The following RPA2 variants were observed in gnomAD, a reference collection of about 807,000 sequenced individuals.
RPA2 encodes the protein replication protein A 32 kDa subunit.
A neutral mutation model predicts 33.4 loss-of-function variants in RPA2; 22 were observed. That is an observed-to-expected ratio of 0.66 (90% CI 0.47 to 0.94). RPA2 has a LOEUF of 0.94. Ranked by LOEUF, RPA2 falls within the 40% of genes least tolerant of loss-of-function variation. The pLI is 0.00. For synonymous variants in RPA2, 109 were observed against 114.9 expected, an observed-to-expected ratio of 0.95 and a Z score of 0.33; for missense variants, 279 against 329.9, an observed-to-expected ratio of 0.85 and a Z score of 1.19.
At chr1:27,914,002 A>T in intron 2 of RPA2, 61 bp downstream of exon 2, 1 of 1,453,364 alleles carries the variant, frequency 6.9e-7, no homozygotes, top group Non-Finnish European at 9.2e-7. Context: ...AGTTTCTGTC[A>T]TAGATGACTC....
At chr1:27,904,940 C>A (rs1196801500) in intron 4 of RPA2, among the ~76,000 whole-genome samples, 2 of 152,072 alleles carry the variant, frequency 1.3e-5, no homozygotes, top group Non-Finnish European at 2.9e-5. Context: ...GCGTGAGTCA[C>A]CATGCCCAGC....
intron 5 of RPA2, among the ~76,000 whole-genome samples, 166 bp downstream of exon 5, chr1:27,897,467 G>C (rs541756418): frequency 1.1e-4 from 12 of 111,300 alleles, no homozygotes; most frequent in South Asian, 2.5e-4. Context: ...TTCATGTTAA[G>C]GTTAAAAAAA....
At position 27,891,937 on chromosome 1, in the gene RPA2, C is replaced by G. The variant is rs1223791790; in HGVS notation, c.*226G>C. 8 of 479,818 alleles carry G rather than the reference C, an allele frequency of 1.7e-5. No homozygotes were observed. Among genetic ancestry groups the G allele is most frequent in the Non-Finnish European group, 2.3e-5 (6 of 265,750 alleles). The allele number at this position is 479,818 out of a possible 1,614,324, so 29.7% of individuals were successfully genotyped here. On this transcript the variant is annotated 3_prime_UTR_variant, in exon 9 of 9. Transcript: ENST00000373912. Reference sequence around the variant, plus strand: ...CTTATTTGTAACTTCCTCAAGAAATCCCACCCTGGATTGCATCCCTGTCAA... The same window carrying G: ...CTTATTTGTAACTTCCTCAAGAAATGCCACCCTGGATTGCATCCCTGTCAA...
At chr1:27,903,819 G>C (rs2089995911) in intron 4 of RPA2, among the ~76,000 whole-genome samples, 1 of 145,018 alleles carries the variant, frequency 6.9e-6, no homozygotes, top group Admixed American at 7.2e-5. Context: ...CTTGAGCCCA[G>C]GTTTGAGGCC....
chr1:27,898,072 C>T (rs1364844103), intron 4 of RPA2, among the ~76,000 whole-genome samples: 1 of 152,108 alleles, frequency 6.6e-6, no homozygotes, highest in East Asian at 1.9e-4. Context: ...CTCGCTGCAA[C>T]CTCCGCCTCC....
chr1:27,913,916 C>T, intron 2 of RPA2, 147 bp downstream of exon 2: 1 of 801,846 alleles, frequency 1.2e-6, no homozygotes, highest in South Asian at 3.0e-5. Context: ...ACTTACAGCA[C>T]TTAATTATAA....
chr1:27,907,547 G>C (rs912910638), intron 2 of RPA2, among the ~76,000 whole-genome samples: 1 of 152,174 alleles, frequency 6.6e-6, no homozygotes, highest in Admixed American at 6.6e-5. Flanking sequence ...AAATGAATAG[G>C]TCAGAGTGGG....
At chr1:27,914,721 C>T, upstream of RPA2, 3 of 1,588,934 alleles carry the variant, frequency 1.9e-6, no homozygotes, top group East Asian at 2.2e-5. Flanking sequence ...GCCATCTTTA[C>T]GAAGGGCAAA....
rs1356316757 is a variant in RPA2 at position 27,894,353 on chromosome 1, T to C, written c.570A>G (p.Glu190=). 1 of 1,614,104 alleles carries C rather than the reference T, an allele frequency of 6.2e-7. No individual in the cohort carries two copies. Among genetic ancestry groups the C allele is most frequent in the Non-Finnish European group, 8.5e-7 (1 of 1,180,036 alleles). The change falls in exon 7 of 9, where the codon GAA becomes GAG. Residue 190 remains glutamate (E), a synonymous_variant. Coordinates refer to ENST00000373912, the MANE Select transcript of RPA2 (RefSeq NM_002946.5). ...RAPISNPGMS[E]AGNFGGNSFM... ...AGCTATTCCCACCAAAGTTCCCTGC[T>C]TCACTCATTCCTGGATTGCTGATAG...
intron 2 of RPA2, among the ~76,000 whole-genome samples, chr1:27,909,737 G>A (rs2749119): frequency 0.44 from 66,244 of 151,346 alleles, 15,116 homozygotes; most frequent in African/African-American, 0.58. Flanking sequence ...AAGAGCGGTC[G>A]CTCTTGGTCA....
intron 4 of RPA2, 129 bp downstream of exon 4, chr1:27,906,794 TTTTAC>T (rs2090034249): frequency 6.4e-6 from 4 of 621,114 alleles, no homozygotes; most frequent in East Asian, 2.8e-5. Context: ...TCTACTAACC[TTTTAC>T]TTTAGAGTAT....
chr1:27,906,954 C>G lies in RPA2; in HGVS notation c.307G>C (p.Asp103His). 6.2e-7 allele frequency: 1 copy of G among 1,613,704 alleles called. No individual in the cohort carries two copies. The change falls in exon 4 of 9, where the codon GAC (aspartate) becomes CAC (histidine). Residue 103 changes from aspartate (D) to histidine (H), a missense_variant. By Grantham distance (81) the Asp-to-His change is moderately conservative (BLOSUM62 -1). Transcript: ENST00000373912. Reference protein sequence around the residue: ...KIDDMTAAPMDVRQWVDTDDT... With the variant: ...KIDDMTAAPMHVRQWVDTDDT... ...TCTGTGTCAACCCACTGGCGAACGT[C>G]CATGGGTGCAGCTGTCATGTCATCT...
At chr1:27,894,544 C>T in intron 6 of RPA2, 147 bp from the exon 7 acceptor site, 4 of 606,496 alleles carry the variant, frequency 6.6e-6, no homozygotes, top group Non-Finnish European at 1.1e-5. Context: ...GAGTGGACAG[C>T]TATTATCTAA....
intron 8 of RPA2, among the ~76,000 whole-genome samples, chr1:27,893,526 G>A (rs1035714866): frequency 3.3e-5 from 5 of 151,998 alleles, no homozygotes; most frequent in Admixed American, 1.3e-4. Context: ...GCCCAGGCTG[G>A]TCTTGAACTC....
At chr1:27,896,877 T>C in intron 6 of RPA2, 128 bp downstream of exon 6, 1 of 624,008 alleles carries the variant, frequency 1.6e-6, no homozygotes, top group Admixed American at 2.9e-5. Flanking sequence ...GGAGAAAGTG[T>C]TCTGAGGACT....
At chr1:27,910,073 A>G (rs1328996807) in intron 2 of RPA2, among the ~76,000 whole-genome samples, 2 of 152,174 alleles carry the variant, frequency 1.3e-5, no homozygotes, top group Non-Finnish European at 2.9e-5. Context: ...GTTTTTACCT[A>G]TCACAGCTGA....
chr1:27,899,130 T>A (rs751288882), intron 4 of RPA2, among the ~76,000 whole-genome samples: 1 of 152,068 alleles, frequency 6.6e-6, no homozygotes, highest in Non-Finnish European at 1.5e-5. Flanking sequence ...CCTAGCATTT[T>A]GGGAGGCCAA....
At position 27,894,029 on chromosome 1, in the gene RPA2, CAT is replaced by C. The variant is rs1557462418; in HGVS notation, c.709_710del (p.Met237ValfsTer15). 1.9e-6 allele frequency: 3 copies of C among 1,613,996 alleles called. No homozygotes were observed. The highest frequency in any genetic ancestry group is 1.7e-6 in the Non-Finnish European group (2 of 1,179,844). Reference sequence around the variant, plus strand: ...ATACTTACTTGATTGAGGATACAGACATGTGTTTCAGCTGGTTCTTGAGATCC... The same window carrying C: ...ATACTTACTTGATTGAGGATACAGACGTGTTTCAGCTGGTTCTTGAGATCC... Reference protein sequence around the residue: ...FQDLKNQLKHMSVSSIKQAVD... With the variant: ...FQDLKNQLKHXSVSSIKQAVD... On this transcript the variant is annotated frameshift_variant, in exon 8 of 9. Transcript: ENST00000373912. LOFTEE classifies it high-confidence loss of function.
chr1:27,912,173 G>A (rs2090105242), intron 2 of RPA2, among the ~76,000 whole-genome samples: 1 of 152,022 alleles, frequency 6.6e-6, no homozygotes, highest in Non-Finnish European at 1.5e-5. Flanking sequence ...TGCTTACACT[G>A]AATCTTAACA....
Sources: gnomAD v4.1 joint callset for allele counts (sites outside exome capture counted in the v4.1 genomes callset) on GRCh38, gnomAD v4.1.1 for gene constraint, MANE v1.5 for transcripts, NCBI Gene and HGNC (gene_info 2026-07-23, HGNC 2026-07-21) for gene names.